METTL9: variants seen among roughly 807,000 people sequenced by gnomAD.
The protein encoded by METTL9 is protein-L-histidine N-pros-methyltransferase.
METTL9 carries 10 observed loss-of-function variants against 36.0 expected under a neutral mutation model. The ratio of observed to expected loss-of-function variants is 0.28; its 90% CI spans 0.17 to 0.47. The LOEUF is 0.47. METTL9 is among the 20% of genes least tolerant of loss of function. The probability of loss-of-function intolerance (pLI) is 0.99; values close to 1 mark genes in which losing one functional copy is unlikely to be tolerated. For synonymous variants in METTL9, 175 were observed against 149.7 expected (o/e 1.17, Z -1.23); for missense variants, 246 against 383.5 (o/e 0.64, Z 3.00).
intron 4 of METTL9, among the ~76,000 whole-genome samples, chr16:21,635,500 A>G (rs906538032): frequency 2.0e-5 from 3 of 152,124 alleles, no homozygotes; most frequent in Non-Finnish European, 2.9e-5. Flanking sequence ...TTCTCCTTCA[A>G]TGAAAAGAAA....
chr16:21,643,613 AG>A, intron 4 of METTL9: 7 of 1,584,132 alleles, frequency 4.4e-6, no homozygotes, highest in Non-Finnish European at 6.0e-6. Flanking sequence ...CAAGAAGAGA[AG>A]GAAAGTCTAT....
At chr16:21,619,128 A>G (rs1965629907) in intron 3 of METTL9, among the ~76,000 whole-genome samples, 2 of 152,284 alleles carry the variant, frequency 1.3e-5, no homozygotes, top group Non-Finnish European at 2.9e-5. Flanking sequence ...TGCTATGAAC[A>G]TGGGTGTACA....
intron 4 of METTL9, among the ~76,000 whole-genome samples, chr16:21,650,539 G>T (rs1229902623): frequency 6.6e-6 from 1 of 151,562 alleles, no homozygotes; most frequent in East Asian, 1.9e-4. Flanking sequence ...TAGAGGTTGG[G>T]GTGGCGGGGA....
intron 3 of METTL9, among the ~76,000 whole-genome samples, chr16:21,621,023 C>T (rs973152384): frequency 4.0e-5 from 6 of 151,870 alleles, no homozygotes; most frequent in African/African-American, 1.2e-4. Context: ...TGGGCTAGAG[C>T]ATGTGGCGTG....
intron 4 of METTL9, among the ~76,000 whole-genome samples, chr16:21,646,167 T>TTC (rs1597785626): frequency 6.6e-6 from 1 of 151,552 alleles, no homozygotes; most frequent in East Asian, 1.9e-4. Context: ...CCTTTTTTTT[T>TTC]CTCGGGAATG....
intron 4 of METTL9, chr16:21,647,058 A>T (rs536928061): frequency 1.3e-6 from 2 of 1,589,694 alleles, no homozygotes; most frequent in East Asian, 4.5e-5. Context: ...TGATTTCTAC[A>T]TGTGAGTGAG....
chr16:21,609,488 G>A (rs1965375146), intron 1 of METTL9, among the ~76,000 whole-genome samples: 1 of 152,098 alleles, frequency 6.6e-6, no homozygotes, highest in South Asian at 2.1e-4. Context: ...TTAGAACAGG[G>A]GGCCTAGCCT....
rs759270894 is a variant in METTL9, at chr16:21,599,833, G to T, written c.100G>T (p.Val34Leu). The T allele has an allele frequency of 1.3e-6, 2 of 1,538,422 alleles. No homozygotes were observed. Among genetic ancestry groups the T allele is most frequent in the South Asian group, 2.4e-5 (2 of 83,402 alleles). The change falls in exon 1 of 5, where the codon GTG becomes TTG. Residue 34 changes from valine (V) to leucine (L), a missense_variant. Transcript: ENST00000358154. This position sits in a 1 kb window ranked among gnomAD's most constrained non-coding sequence, Gnocchi z 4.4. ...LRSPLTRSLY[V>L]NMTSGPGGPA... ...GAGCCCGCTCACCCGCTCCCTGTAC[G>T]TGAACATGACTAGCGGCCCGGGTGG...
intron 4 of METTL9, among the ~76,000 whole-genome samples, chr16:21,628,489 CTTTCTTTCTT>C (rs1323222239): frequency 2.0e-5 from 3 of 151,650 alleles, no homozygotes; most frequent in East Asian, 1.9e-4. Context: ...ACTTTTTTTT[CTTTCTTTCTT>C]TTTCTTTCTT....
intron 4 of METTL9, chr16:21,642,293 T>C (rs1223942157): frequency 1.4e-5 from 2 of 144,580 alleles, no homozygotes; most frequent in East Asian, 4.1e-4. Flanking sequence ...CAGCTTATTT[T>C]GTGCTCGCTT....
intron 1 of METTL9, among the ~76,000 whole-genome samples, chr16:21,608,229 CTT>C (rs1302520756): frequency 6.6e-6 from 1 of 152,112 alleles, no homozygotes; most frequent in Admixed American, 6.5e-5. Flanking sequence ...CTTAGCGTAG[CTT>C]TTTATCTAAG....
intron 3 of METTL9, among the ~76,000 whole-genome samples, chr16:21,620,366 C>T (rs1467780624): frequency 6.6e-6 from 1 of 152,148 alleles, no homozygotes; most frequent in East Asian, 1.9e-4. Flanking sequence ...CATTTCAAAA[C>T]TTAGAATGCT....
intron 2 of METTL9, among the ~76,000 whole-genome samples, chr16:21,613,158 T>G (rs532012285): frequency 7.7e-5 from 11 of 142,166 alleles, no homozygotes; most frequent in Non-Finnish European, 1.2e-4. Context: ...GGGCTAGGTC[T>G]GAGAGTCTGC....
At chr16:21,606,960 A>G (rs1291963063) in intron 1 of METTL9, among the ~76,000 whole-genome samples, 2 of 152,192 alleles carry the variant, frequency 1.3e-5, no homozygotes, top group Non-Finnish European at 1.5e-5. Flanking sequence ...ACTTTTAACC[A>G]TATTTGGTCT....
chr16:21,652,770 T>C (rs960702622), intron 4 of METTL9: 36 of 534,126 alleles, frequency 6.7e-5, no homozygotes, highest in African/African-American at 6.3e-4. Context: ...GATTTTGGCC[T>C]GGAGCACATT....
At chr16:21,641,570 T>C (rs754029991) in intron 4 of METTL9, 7 of 1,589,446 alleles carry the variant, frequency 4.4e-6, no homozygotes, top group Non-Finnish European at 6.0e-6. Context: ...CTCTTCTGTT[T>C]TCATAAGTGT....
chr16:21,628,930 C>A (rs951616284), intron 4 of METTL9, among the ~76,000 whole-genome samples: 7 of 149,142 alleles, frequency 4.7e-5, no homozygotes, highest in African/African-American at 1.7e-4. Flanking sequence ...CACTCTGTCA[C>A]CGAGGATGGA....
At chr16:21,649,017 CAG>C (rs1966499895) in intron 4 of METTL9, among the ~76,000 whole-genome samples, 1 of 152,124 alleles carries the variant, frequency 6.6e-6, no homozygotes, top group Admixed American at 6.5e-5. Flanking sequence ...TGTTTTTGGA[CAG>C]AGTCTCTGTC....
intron 1 of METTL9, among the ~76,000 whole-genome samples, chr16:21,601,729 CTGTGTG>C (rs57264395): frequency 1.6e-4 from 23 of 145,832 alleles, no homozygotes; most frequent in African/African-American, 4.6e-4. Flanking sequence ...TATTTATATT[CTGTGTG>C]TGTGTGTGTG....
Sources: allele counts gnomAD v4.1 joint callset (sites outside exome capture counted in the v4.1 genomes callset), GRCh38; gene constraint gnomAD v4.1.1; non-coding constraint Gnocchi (gnomAD v3.1); transcripts MANE v1.5; gene names NCBI Gene and HGNC (gene_info 2026-07-23, HGNC 2026-07-21).